The following RPH3A variants were observed in gnomAD, a reference collection of about 807,000 sequenced individuals.
RPH3A encodes the protein rabphilin 3A.
RPH3A carries 48 observed loss-of-function variants against 102.2 expected under a neutral mutation model. That is an observed-to-expected ratio of 0.47 (90% CI 0.37 to 0.60). The LOEUF (loss-of-function observed/expected upper bound fraction) is 0.60. Ranked by LOEUF, RPH3A falls within the 20% of genes least tolerant of loss-of-function variation. The pLI is 0.00. For synonymous variants in RPH3A, 310 were observed against 324.3 expected, an observed-to-expected ratio of 0.96 and a Z score of 0.47; for missense variants, 781 against 910.1, an observed-to-expected ratio of 0.86 and a Z score of 1.83.
intron 3 of RPH3A, among the ~76,000 whole-genome samples, chr12:112,834,057 C>G (rs1047467356): frequency 6.6e-6 from 1 of 152,198 alleles, no homozygotes; most frequent in Non-Finnish European, 1.5e-5. Context: ...GAAATCATCA[C>G]AGTAATCAAG....
intron 1 of RPH3A, among the ~76,000 whole-genome samples, chr12:112,742,000 G>A (rs1183199498): frequency 6.6e-6 from 1 of 152,168 alleles, no homozygotes; most frequent in African/African-American, 2.4e-5. Flanking sequence ...CACCAGAGCA[G>A]TCTGATAGAG....
intron 2 of RPH3A, among the ~76,000 whole-genome samples, chr12:112,802,469 C>A (rs893310594): frequency 6.6e-6 from 1 of 152,070 alleles, no homozygotes; most frequent in South Asian, 2.1e-4. Flanking sequence ...TTTAAACAGT[C>A]CCCTGGGTGG....
At position 112,731,016 on chromosome 12, in the gene RPH3A, A is replaced by G. The variant is rs530271687; in HGVS notation, c.-139-61127A>G. Among the ~76,000 whole-genome samples the G allele has an allele frequency of 4.6e-5, 7 of 152,332 alleles. No individual in the cohort carries two copies. The East Asian group carries it at 1.3e-3, about 29-fold the overall frequency. ...ATTGCATTGCTATGAAATTCTCTGC[A>G]ATTTCCTATAAGAAAAGAGCTGAGC... On this transcript the variant is annotated intron_variant, in intron 1 of 21. Transcript: ENST00000543106.
At chr12:112,750,624 G>T (rs1288685094) in intron 1 of RPH3A, among the ~76,000 whole-genome samples, 1 of 152,176 alleles carries the variant, frequency 6.6e-6, no homozygotes, top group African/African-American at 2.4e-5. Context: ...CAAGAGATGG[G>T]TGGTATGTAA....
intron 13 of RPH3A, among the ~76,000 whole-genome samples, chr12:112,878,194 G>A (rs2042841339): frequency 6.6e-6 from 1 of 152,162 alleles, no homozygotes; most frequent in African/African-American, 2.4e-5. Flanking sequence ...GTTCTGCTCT[G>A]AAAATGCCCT....
At chr12:112,787,232 G>A (rs531829863), upstream of RPH3A, among the ~76,000 whole-genome samples, 2 of 152,286 alleles carry the variant, frequency 1.3e-5, no homozygotes, top group African/African-American at 4.8e-5. Context: ...TGCCACTTAA[G>A]GTAATCTATT....
At chr12:112,789,411 G>T (rs1283343024), upstream of RPH3A, among the ~76,000 whole-genome samples, 1 of 152,150 alleles carries the variant, frequency 6.6e-6, no homozygotes, top group African/African-American at 2.4e-5. Context: ...CCTCAAACTT[G>T]TAGAATGCAT....
intron 1 of RPH3A, among the ~76,000 whole-genome samples, chr12:112,694,640 GCGCGCACACGCACA>G (rs1487712076): frequency 1.5e-5 from 2 of 134,444 alleles, no homozygotes; most frequent in African/African-American, 6.2e-5. Context: ...GCACGCGCGC[GCGCGCACACGCACA>G]CACACACACA....
chr12:112,691,086 G>A (rs2040303182), intron 1 of RPH3A, among the ~76,000 whole-genome samples: 1 of 151,754 alleles, frequency 6.6e-6, no homozygotes, highest in Non-Finnish European at 1.5e-5. Context: ...GTGCAGTGGC[G>A]TGATCTCAGC....
intron 1 of RPH3A, among the ~76,000 whole-genome samples, chr12:112,755,038 C>G (rs1425607746): frequency 2.0e-5 from 3 of 152,186 alleles, no homozygotes; most frequent in Non-Finnish European, 4.4e-5. Flanking sequence ...TTATTGACAA[C>G]TTTATCCCCA....
At chr12:112,744,982 T>G (rs1214655783) in intron 1 of RPH3A, among the ~76,000 whole-genome samples, 1 of 152,242 alleles carries the variant, frequency 6.6e-6, no homozygotes, top group Non-Finnish European at 1.5e-5. Flanking sequence ...ATTTTCAAAG[T>G]GTTTCAACTG....
chr12:112,619,929 C>A (rs1387230660), intron 1 of RPH3A, among the ~76,000 whole-genome samples: 1 of 152,160 alleles, frequency 6.6e-6, no homozygotes, highest in Non-Finnish European at 1.5e-5. Context: ...CCAAAACAGT[C>A]CAACCCAAAC....
chr12:112,687,108 A>T (rs1264533731), intron 1 of RPH3A, among the ~76,000 whole-genome samples: 1 of 152,106 alleles, frequency 6.6e-6, no homozygotes, highest in Non-Finnish European at 1.5e-5. Flanking sequence ...ACAGAGTGAG[A>T]CCCCATTTTT....
intron 19 of RPH3A, among the ~76,000 whole-genome samples, chr12:112,891,889 C>A (rs1020222206): frequency 1.3e-5 from 2 of 152,210 alleles, no homozygotes; most frequent in East Asian, 3.8e-4. Flanking sequence ...TCATAGCCAC[C>A]GCTGTGTCAG....
intron 3 of RPH3A, among the ~76,000 whole-genome samples, chr12:112,831,573 T>A (rs2041971410): frequency 6.6e-6 from 1 of 152,124 alleles, no homozygotes; most frequent in Admixed American, 6.5e-5. Context: ...TTTTTTAATT[T>A]GCCTGTCTTC....
At chr12:112,737,603 GT>G (rs1206882064) in intron 1 of RPH3A, among the ~76,000 whole-genome samples, 6 of 152,104 alleles carry the variant, frequency 3.9e-5, no homozygotes, top group Non-Finnish European at 8.8e-5. Flanking sequence ...TGATCCTGCA[GT>G]TTTTTTCCCC....
rs182490447 is a variant in RPH3A at position 112,596,606 on chromosome 12, C to T, written c.-140+21287C>T. Reference sequence around the variant, plus strand: ...CTTTTGTCTATTATTTTGTTAATAGCGCCATATTTTTAATAACTATAGCTT... The same window carrying T: ...CTTTTGTCTATTATTTTGTTAATAGTGCCATATTTTTAATAACTATAGCTT... On this transcript the variant is annotated intron_variant, in intron 1 of 21. Transcript: ENST00000543106. Among the ~76,000 whole-genome samples, 1,180 of 152,208 alleles carry T rather than the reference C, an allele frequency of 7.8e-3. 10 individuals carry two copies. Among genetic ancestry groups the T allele is most frequent in the African/African-American group, 0.014 (564 of 41,524 alleles).
chr12:112,772,996 A>G (rs1474795911), intron 1 of RPH3A, among the ~76,000 whole-genome samples: 1 of 152,012 alleles, frequency 6.6e-6, no homozygotes, highest in East Asian at 1.9e-4. Context: ...TTGGTTTTCC[A>G]TTGCTGAGTT....
chr12:112,657,901 T>G (rs999060277), intron 1 of RPH3A, among the ~76,000 whole-genome samples: 3 of 152,000 alleles, frequency 2.0e-5, no homozygotes, highest in African/African-American at 7.3e-5. Context: ...GGGAGGGAGT[T>G]GACTGTGTGG....
Sources: allele counts gnomAD v4.1 joint callset (sites outside exome capture counted in the v4.1 genomes callset), GRCh38; gene constraint gnomAD v4.1.1; transcripts MANE v1.5; gene names NCBI Gene and HGNC (gene_info 2026-07-23, HGNC 2026-07-21).